The following RSF1 variants were observed in gnomAD, a reference collection of about 807,000 sequenced individuals.
RSF1 encodes the protein HBV pX-associated protein 8.
RSF1 carries 13 observed loss-of-function variants against 145.2 expected under a neutral mutation model. The observed-to-expected ratio is 0.09, with a 90% confidence interval of 0.06 to 0.14. RSF1 has a LOEUF of 0.14. Among genes scored for constraint, RSF1 ranks in the 10% least tolerant of loss-of-function variants. The pLI is 1.00. For synonymous variants in RSF1, 577 were observed against 592.6 expected (o/e 0.97, Z 0.38); for missense variants, 1,517 against 1,718.2 (o/e 0.88, Z 2.07).
At chr11:77,787,517 G>A (rs1948468996) in intron 1 of RSF1, among the ~76,000 whole-genome samples, 1 of 152,052 alleles carries the variant, frequency 6.6e-6, no homozygotes, top group African/African-American at 2.4e-5. Flanking sequence ...GTAGAAGAGA[G>A]AGATAGCTGA....
intron 2 of RSF1, among the ~76,000 whole-genome samples, chr11:77,751,884 T>C (rs1244474523): frequency 6.6e-6 from 1 of 152,210 alleles, no homozygotes; most frequent in Non-Finnish European, 1.5e-5. Flanking sequence ...GCTTTATCTT[T>C]CACAAGAGGA....
intron 1 of RSF1, among the ~76,000 whole-genome samples, chr11:77,786,772 G>A (rs1053041754): frequency 2.6e-5 from 4 of 152,056 alleles, no homozygotes; most frequent in Non-Finnish European, 4.4e-5. Flanking sequence ...CAACAAATAT[G>A]GAGTAATAAG....
chr11:77,837,867 C>T, the RSF1 span, among the ~76,000 whole-genome samples: 2 of 151,790 alleles, frequency 1.3e-5, no homozygotes, highest in African/African-American at 4.8e-5. Flanking sequence ...CCAACATGGG[C>T]AACATAGTGA....
At chr11:77,792,260 A>G (rs1316434532) in intron 1 of RSF1, among the ~76,000 whole-genome samples, 2 of 152,152 alleles carry the variant, frequency 1.3e-5, no homozygotes, top group Non-Finnish European at 2.9e-5. Context: ...ACCTGCCCCC[A>G]TGATTCAATT....
At chr11:77,778,494 CCAT>C (rs1408043581) in intron 1 of RSF1, among the ~76,000 whole-genome samples, 1 of 152,040 alleles carries the variant, frequency 6.6e-6, no homozygotes, top group Non-Finnish European at 1.5e-5. Flanking sequence ...TCAACTATTA[CCAT>C]GTTAAGAGCA....
At chr11:77,668,020 T>TA (rs1273516621) in intron 15 of RSF1, among the ~76,000 whole-genome samples, 1 of 149,632 alleles carries the variant, frequency 6.7e-6, no homozygotes, top group East Asian at 2.0e-4. Flanking sequence ...TTTTTTGAGA[T>TA]AGAGTCTCAC....
chr11:77,825,853 G>A (rs7108804), upstream of RSF1, among the ~76,000 whole-genome samples: 297 of 152,016 alleles, frequency 2.0e-3, 4 homozygotes, highest in African/African-American at 6.8e-3. Flanking sequence ...CACTACATCC[G>A]GCTAATTTTT....
At chr11:77,846,684 T>TA in the RSF1 span, among the ~76,000 whole-genome samples, 100 of 152,280 alleles carry the variant, frequency 6.6e-4, no homozygotes, top group Middle Eastern at 6.8e-3. Flanking sequence ...CCATCCTGGG[T>TA]AACAAGAGTG....
chr11:77,871,150 A>T, the RSF1 span, among the ~76,000 whole-genome samples: 1 of 152,350 alleles, frequency 6.6e-6, no homozygotes, highest in Non-Finnish European at 1.5e-5. Flanking sequence ...CCCCATTACA[A>T]TAATTCCTAT....
At chr11:77,820,461 T>C (rs1288832870) in intron 1 of RSF1, 67 bp downstream of exon 1, 3 of 1,476,518 alleles carry the variant, frequency 2.0e-6, no homozygotes, top group Non-Finnish European at 2.7e-6. Flanking sequence ...CCGGGGCGCC[T>C]GTGAAGAGCG....
intron 5 of RSF1, among the ~76,000 whole-genome samples, chr11:77,713,124 T>C (rs1057159090): frequency 6.6e-6 from 1 of 152,232 alleles, no homozygotes; most frequent in African/African-American, 2.4e-5. Context: ...AACACATATA[T>C]GCAGGTATAC....
intron 2 of RSF1, among the ~76,000 whole-genome samples, chr11:77,748,191 G>A (rs189901481): frequency 1.3e-5 from 2 of 151,190 alleles, no homozygotes; most frequent in Admixed American, 6.6e-5. Context: ...CAAGCAGTAT[G>A]GCCAGGAACA....
intron 11 of RSF1, among the ~76,000 whole-genome samples, chr11:77,681,106 G>C (rs754440036): frequency 6.6e-6 from 1 of 152,130 alleles, no homozygotes; most frequent in Non-Finnish European, 1.5e-5. Context: ...AAACAGCCTT[G>C]ATTTATATCC....
At chr11:77,680,474 A>G (rs1055588727) in intron 11 of RSF1, among the ~76,000 whole-genome samples, 10 of 151,942 alleles carry the variant, frequency 6.6e-5, no homozygotes, top group African/African-American at 2.4e-4. Context: ...TGGAGGCTGG[A>G]AGTGGCTGTA....
the RSF1 span, chr11:77,829,774 T>C: frequency 1.3e-5 from 2 of 152,174 alleles, no homozygotes; most frequent in South Asian, 2.1e-4. Context: ...AATTAAAAAC[T>C]TGTGTGCTTT....
chr11:77,714,012 T>G (rs1960748615), intron 5 of RSF1, among the ~76,000 whole-genome samples: 1 of 152,248 alleles, frequency 6.6e-6, no homozygotes, highest in Non-Finnish European at 1.5e-5. Flanking sequence ...TTATGATAGT[T>G]TTGCCAATTT....
intron 1 of RSF1, among the ~76,000 whole-genome samples, chr11:77,816,802 A>C (rs541354219): frequency 9.8e-5 from 15 of 152,364 alleles, no homozygotes; most frequent in Admixed American, 9.8e-4. Context: ...GGGGAAGTCC[A>C]CACAAAGCAC....
At chr11:77,860,754 A>C in the RSF1 span, among the ~76,000 whole-genome samples, 1 of 152,174 alleles carries the variant, frequency 6.6e-6, no homozygotes, top group Non-Finnish European at 1.5e-5. Flanking sequence ...GAGAGTCAGG[A>C]TGTACAGGGA....
intron 2 of RSF1, among the ~76,000 whole-genome samples, chr11:77,758,518 T>C (rs1948138932): frequency 6.6e-6 from 1 of 152,170 alleles, no homozygotes; most frequent in Non-Finnish European, 1.5e-5. Flanking sequence ...TATGAGGAAC[T>C]GCCAAACTCC....
Sources: allele counts gnomAD v4.1 joint callset (sites outside exome capture counted in the v4.1 genomes callset), GRCh38; gene constraint gnomAD v4.1.1; transcripts MANE v1.5; gene names NCBI Gene and HGNC (gene_info 2026-07-23, HGNC 2026-07-21).